CCR3: variants seen among roughly 807,000 people sequenced by gnomAD.
The protein encoded by CCR3 is C-C motif chemokine receptor 3, also known as C-C chemokine receptor type 3.
For missense variants in CCR3, 419 were observed against 437.5 expected (o/e 0.96, Z 0.38); for synonymous variants, 203 against 179.2 (o/e 1.13, Z -1.06).
chr3:46,230,247 A>G (rs1256864760), intron 2 of CCR3, among the ~76,000 whole-genome samples: 3 of 152,228 alleles, frequency 2.0e-5, no homozygotes. Context: ...TGAAGTCACA[A>G]TATGCAAGTT....
intron 2 of CCR3, among the ~76,000 whole-genome samples, chr3:46,232,092 A>AT (rs548001218): frequency 3.3e-5 from 5 of 152,228 alleles, no homozygotes; most frequent in African/African-American, 1.2e-4. Context: ...TCATTGTTCA[A>AT]TTTTTTTCTT....
chr3:46,265,994 T>C lies in CCR3; in HGVS notation c.836T>C (p.Leu279Pro). ...FGNDCERSKH[L>P]DLVMLVTEVI... ...AATGACTGTGAGCGGAGCAAGCATC[T>C]GGACCTGGTCATGCTGGTGACAGAG... Residue 279 changes from leucine to proline, a missense_variant, in exon 2 of 2, where the codon CTG becomes CCG. Leu to Pro is a moderately conservative substitution (Grantham distance 98). Coordinates refer to ENST00000395940, the MANE Select transcript of CCR3 (RefSeq NM_178329.3). The C allele has an allele frequency of 1.9e-6, 3 of 1,614,174 alleles. No homozygotes were observed. The highest frequency in any genetic ancestry group is 2.5e-6 in the Non-Finnish European group (3 of 1,180,020).
intron 1 of CCR3, among the ~76,000 whole-genome samples, chr3:46,260,793 C>T (rs979984470): frequency 2.0e-5 from 3 of 152,206 alleles, no homozygotes; most frequent in Admixed American, 1.3e-4. Flanking sequence ...TTAGGCAGAT[C>T]ACTTAAAAGG....
chr3:46,263,022 G>T (rs1700556178), intron 1 of CCR3, among the ~76,000 whole-genome samples: 1 of 152,154 alleles, frequency 6.6e-6, no homozygotes, highest in Non-Finnish European at 1.5e-5. Flanking sequence ...GACTCTGGAG[G>T]ACCTGCATGC....
chr3:46,245,805 A>T (rs1223037071), intron 1 of CCR3, among the ~76,000 whole-genome samples: 1 of 152,058 alleles, frequency 6.6e-6, no homozygotes, highest in Non-Finnish European at 1.5e-5. Flanking sequence ...AACATGTCGT[A>T]TTTGGTTTTT....
intron 2 of CCR3, among the ~76,000 whole-genome samples, chr3:46,231,061 A>T (rs1699959972): frequency 6.6e-6 from 1 of 152,138 alleles, no homozygotes; most frequent in Non-Finnish European, 1.5e-5. Context: ...AGTAGCTGGG[A>T]TTACAGGCAC....
chr3:46,259,611 A>G (rs1349425719), intron 1 of CCR3, among the ~76,000 whole-genome samples: 1 of 152,224 alleles, frequency 6.6e-6, no homozygotes, highest in African/African-American at 2.4e-5. Context: ...GTAATATGTT[A>G]AATAAACTTA....
At position 46,254,221 on chromosome 3, in the gene CCR3, A is replaced by T. The variant is rs193269308; in HGVS notation, c.-11-10927A>T. On this transcript the variant is annotated intron_variant, in intron 1 of 1. Transcript: ENST00000395940. ...CAATTATGTGTATAAGTACATAAAC[A>T]AATATCAAGAGGGCTCGACAACAAA... Among the ~76,000 whole-genome samples the T allele has an allele frequency of 2.0e-5, 3 of 152,348 alleles. No homozygotes were observed. The East Asian group carries it at 5.8e-4, about 29-fold the overall frequency.
At chr3:46,232,117 T>C (rs1422065421) in intron 2 of CCR3, among the ~76,000 whole-genome samples, 1 of 152,204 alleles carries the variant, frequency 6.6e-6, no homozygotes, top group Non-Finnish European at 1.5e-5. Flanking sequence ...GTCATATTTA[T>C]TTACTGAGTT....
intron 1 of CCR3, among the ~76,000 whole-genome samples, chr3:46,250,709 G>C (rs188176932): frequency 7.9e-5 from 12 of 152,184 alleles, no homozygotes; most frequent in Non-Finnish European, 1.6e-4. Flanking sequence ...GAGGACACAG[G>C]CTAAAGGAGA....
intron 2 of CCR3, among the ~76,000 whole-genome samples, chr3:46,228,731 G>T (rs1699930533): frequency 6.6e-6 from 1 of 152,208 alleles, no homozygotes; most frequent in South Asian, 2.1e-4. Context: ...TACAAACATG[G>T]TGGGTCATAT....
intron 1 of CCR3, among the ~76,000 whole-genome samples, chr3:46,249,593 G>A (rs1404099185): frequency 6.6e-6 from 1 of 152,180 alleles, no homozygotes; most frequent in Non-Finnish European, 1.5e-5. Context: ...AGCCAAGAAG[G>A]AGTCAGTCAG....
chr3:46,212,476 G>A (rs1699726185), intron 2 of CCR3, among the ~76,000 whole-genome samples: 2 of 141,778 alleles, frequency 1.4e-5, no homozygotes, highest in South Asian at 4.6e-4. Flanking sequence ...CCCCCCTCTT[G>A]GCCCCCCTAC....
chr3:46,243,586 G>A (rs143662325), intron 1 of CCR3, among the ~76,000 whole-genome samples: 2 of 152,292 alleles, frequency 1.3e-5, no homozygotes, highest in Admixed American at 1.3e-4. Context: ...CAGAGGATGA[G>A]TGTTAACTTT....
intron 1 of CCR3, among the ~76,000 whole-genome samples, chr3:46,261,956 T>C (rs1700532967): frequency 6.6e-6 from 1 of 152,090 alleles, no homozygotes; most frequent in Non-Finnish European, 1.5e-5. Flanking sequence ...CCACAGCAGG[T>C]TCCAGAAAAA....
chr3:46,216,057 T>A (rs1699770042), intron 2 of CCR3, among the ~76,000 whole-genome samples: 1 of 152,172 alleles, frequency 6.6e-6, no homozygotes, highest in African/African-American at 2.4e-5. Context: ...GGAAATTGGG[T>A]CCCACTCCAT....
intron 2 of CCR3, among the ~76,000 whole-genome samples, chr3:46,219,220 C>G (rs1699807312): frequency 6.6e-6 from 1 of 152,090 alleles, no homozygotes; most frequent in Admixed American, 6.6e-5. Flanking sequence ...ACCTCAACCC[C>G]TTTTATAACA....
chr3:46,216,299 G>A (rs1041283693), intron 2 of CCR3, among the ~76,000 whole-genome samples: 3 of 152,206 alleles, frequency 2.0e-5, no homozygotes, highest in African/African-American at 4.8e-5. Flanking sequence ...GAATGAGCAA[G>A]GACCTTGTAC....
intron 1 of CCR3, among the ~76,000 whole-genome samples, chr3:46,252,672 G>T (rs1183720799): frequency 6.6e-6 from 1 of 152,116 alleles, no homozygotes; most frequent in Admixed American, 6.5e-5. Flanking sequence ...ATATCTAGAT[G>T]GGTAATTGGA....
Sources: allele counts gnomAD v4.1 joint callset (sites outside exome capture counted in the v4.1 genomes callset), GRCh38; gene constraint gnomAD v4.1.1; transcripts MANE v1.5; gene names NCBI Gene and HGNC (gene_info 2026-07-23, HGNC 2026-07-21).